Variants in GPC6 observed in about 807,000 individuals in gnomAD.
GPC6 encodes glypican-6.
A neutral mutation model predicts 55.2 loss-of-function variants in GPC6; 14 were observed. The observed-to-expected ratio is 0.25, with a 90% CI of 0.17 to 0.40. GPC6 has a LOEUF of 0.40. Ranked by LOEUF, GPC6 falls within the 10% of genes least tolerant of loss-of-function variation. GPC6 has a pLI of 1.00. For missense variants in GPC6, 641 were observed against 708.5 expected, an observed-to-expected ratio of 0.90 and a Z score of 1.08; for synonymous variants, 278 against 259.6, an observed-to-expected ratio of 1.07 and a Z score of -0.68.
At chr13:93,427,700 C>T (rs138428033) in intron 1 of GPC6, among the ~76,000 whole-genome samples, 2 of 152,256 alleles carry the variant, frequency 1.3e-5, no homozygotes, top group African/African-American at 2.4e-5. Context: ...GAGCCTTCAA[C>T]CTTGCCTGAG....
intron 3 of GPC6, among the ~76,000 whole-genome samples, chr13:93,951,862 G>T (rs536982480): frequency 6.6e-6 from 1 of 152,136 alleles, no homozygotes; most frequent in Admixed American, 6.5e-5. Context: ...TAGAAGCAAA[G>T]GATGAAACAG....
chr13:94,217,574 A>G (rs1890261480), intron 4 of GPC6, among the ~76,000 whole-genome samples: 1 of 152,174 alleles, frequency 6.6e-6, no homozygotes, highest in Admixed American at 6.6e-5. Flanking sequence ...ACAACAGCCT[A>G]TTAGTTATTC....
intron 1 of GPC6, among the ~76,000 whole-genome samples, chr13:93,495,018 T>G (rs562499934): frequency 3.1e-5 from 4 of 130,248 alleles, no homozygotes; most frequent in South Asian, 2.7e-4. Context: ...TTGCTCTTCT[T>G]GAGGAGTATC....
chr13:93,926,716 T>C (rs566345769), intron 3 of GPC6, among the ~76,000 whole-genome samples: 1 of 152,308 alleles, frequency 6.6e-6, no homozygotes, highest in East Asian at 1.9e-4. Context: ...ATGATCTGAC[T>C]CATTGAAATG....
chr13:93,782,052 T>C (rs553343841), intron 2 of GPC6, among the ~76,000 whole-genome samples: 2 of 152,274 alleles, frequency 1.3e-5, no homozygotes, highest in East Asian at 1.9e-4. Flanking sequence ...TTACTCTAAC[T>C]GAAATTTTCT....
chr13:93,502,555 C>A (rs534066683), intron 1 of GPC6, among the ~76,000 whole-genome samples: 2 of 152,178 alleles, frequency 1.3e-5, no homozygotes, highest in African/African-American at 4.8e-5. Context: ...TGTGTTGGAA[C>A]TTCATTTGTT....
intron 4 of GPC6, among the ~76,000 whole-genome samples, chr13:94,178,296 T>C (rs1157897686): frequency 6.6e-6 from 1 of 152,112 alleles, no homozygotes; most frequent in Non-Finnish European, 1.5e-5. Flanking sequence ...CGCACCCGGC[T>C]GGTCTTTAAA....
At chr13:93,260,961 C>G (rs1225402431) in intron 1 of GPC6, among the ~76,000 whole-genome samples, 6 of 152,028 alleles carry the variant, frequency 3.9e-5, no homozygotes, top group Non-Finnish European at 7.4e-5. Flanking sequence ...GGTGGGAATA[C>G]ATGATTATGT....
chr13:93,549,573 A>C (rs562704677), intron 2 of GPC6, among the ~76,000 whole-genome samples: 1 of 152,016 alleles, frequency 6.6e-6, no homozygotes, highest in Admixed American at 6.6e-5. Context: ...CAGGCTGAGC[A>C]CTCCTGGATC....
intron 3 of GPC6, among the ~76,000 whole-genome samples, chr13:93,989,628 C>A (rs1484438651): frequency 6.6e-6 from 1 of 152,100 alleles, no homozygotes; most frequent in Admixed American, 6.6e-5. Flanking sequence ...TGAAGATATA[C>A]GTGCTATGCT....
At chr13:93,387,415 A>G (rs1875451172) in intron 1 of GPC6, among the ~76,000 whole-genome samples, 1 of 152,136 alleles carries the variant, frequency 6.6e-6, no homozygotes, top group Non-Finnish European at 1.5e-5. Flanking sequence ...TATGAGTGAG[A>G]ACATGCAGTA....
chr13:93,693,084 C>T (rs1882315433), intron 2 of GPC6, among the ~76,000 whole-genome samples: 1 of 152,060 alleles, frequency 6.6e-6, no homozygotes, highest in South Asian at 2.1e-4. Context: ...GAGGAAATTT[C>T]TGGCCTCTCT....
intron 1 of GPC6, among the ~76,000 whole-genome samples, chr13:93,338,815 T>C (rs1040620895): frequency 6.6e-6 from 1 of 152,188 alleles, no homozygotes; most frequent in African/African-American, 2.4e-5. Flanking sequence ...TATATCAATA[T>C]ATTTTTTTAA....
chr13:93,707,509 A>G (rs926778349), intron 2 of GPC6, among the ~76,000 whole-genome samples: 3 of 151,780 alleles, frequency 2.0e-5, no homozygotes, highest in Admixed American at 2.0e-4. Flanking sequence ...TAAATCTAAA[A>G]CAATGTTTCT....
At position 93,923,306 on chromosome 13, in the gene GPC6, G is replaced by A. The variant is rs74109126; in HGVS notation, c.711+92761G>A. ...TTAACAAATTTCACATAGAATCATAGAAAGGCAGTAATTGTTCGGGGAAAA... is the reference window on the plus strand; with the variant it reads ...TTAACAAATTTCACATAGAATCATAAAAAGGCAGTAATTGTTCGGGGAAAA... On this transcript the variant is annotated intron_variant, in intron 3 of 8. Transcript: ENST00000377047. Among the ~76,000 whole-genome samples the A allele has an allele frequency of 7.8e-3, 1,184 of 152,218 alleles. 18 individuals carry two copies. Among genetic ancestry groups the A allele is most frequent in the African/African-American group, 0.027 (1,124 of 41,534 alleles).
chr13:93,715,207 A>T (rs965717461), intron 2 of GPC6, among the ~76,000 whole-genome samples: 5 of 151,744 alleles, frequency 3.3e-5, no homozygotes, highest in Non-Finnish European at 5.9e-5. Flanking sequence ...CGTGGAGTCA[A>T]CTTAGATGCC....
intron 2 of GPC6, among the ~76,000 whole-genome samples, chr13:93,710,643 A>G (rs1333178385): frequency 1.3e-5 from 2 of 151,444 alleles, no homozygotes; most frequent in Non-Finnish European, 1.5e-5. Context: ...AAATTTGACT[A>G]TTCCTCAGTT....
At chr13:93,884,182 C>T (rs1192076693) in intron 3 of GPC6, among the ~76,000 whole-genome samples, 1 of 152,154 alleles carries the variant, frequency 6.6e-6, no homozygotes, top group African/African-American at 2.4e-5. Flanking sequence ...GACATCTCAA[C>T]TGGACCTTGA....
chr13:93,830,612 TAAAAAAAAAA>T (rs369020255), intron 3 of GPC6, 67 bp downstream of exon 3: 8 of 326,450 alleles, frequency 2.5e-5, no homozygotes, highest in East Asian at 1.1e-4. Context: ...AACCAATGTT[TAAAAAAAAAA>T]AAAAAAAAAA....
Sources: gnomAD v4.1 joint callset for allele counts (sites outside exome capture counted in the v4.1 genomes callset) on GRCh38, gnomAD v4.1.1 for gene constraint, MANE v1.5 for transcripts, NCBI Gene and HGNC (gene_info 2026-07-23, HGNC 2026-07-21) for gene names.